RBMS3: variants seen among roughly 807,000 people sequenced by gnomAD.
RBMS3 encodes the protein RNA-binding motif, single-stranded-interacting protein 3.
A neutral mutation model predicts 66.8 loss-of-function variants in RBMS3; 27 were observed. The observed-to-expected ratio is 0.40, with a 90% CI of 0.30 to 0.56. The LOEUF (loss-of-function observed/expected upper bound fraction) is 0.56. Ranked by LOEUF, RBMS3 falls within the 20% of genes least tolerant of loss-of-function variation. The probability of loss-of-function intolerance (pLI) is 0.40; values close to 1 mark genes in which losing one functional copy is unlikely to be tolerated. For synonymous variants in RBMS3, 188 were observed against 183.0 expected (o/e 1.03, Z -0.22); for missense variants, 513 against 549.5 (o/e 0.93, Z 0.66).
At chr3:29,368,541 A>G (rs550470408) in intron 1 of RBMS3, among the ~76,000 whole-genome samples, 24 of 151,792 alleles carry the variant, frequency 1.6e-4, no homozygotes, top group Admixed American at 1.6e-3. Flanking sequence ...ACTACTGAAA[A>G]ATGAGAGTTC....
In RBMS3 at chr3:29,928,211, T is replaced by TACACAC. The variant is rs1175604100; in HGVS notation, c.940-7855_940-7850dup. 4.0e-3 allele frequency among the ~76,000 whole-genome samples: 376 copies of TACACAC among 93,454 alleles called. 1 individual carries two copies. Among genetic ancestry groups the TACACAC allele is most frequent in the Middle Eastern group, 6.0e-3 (1 of 166 alleles). 61.3% of individuals were successfully genotyped at this position (93,454 alleles called of 152,430 possible). On this transcript the variant is annotated intron_variant, in intron 10 of 14. Transcript: ENST00000383767. ...ATATATATATATATATATATATATA[T>TACACAC]ACACACACACACACACACACACACA...
intron 3 of RBMS3, among the ~76,000 whole-genome samples, chr3:29,583,276 G>A (rs984703375): frequency 6.6e-5 from 10 of 152,068 alleles, no homozygotes; most frequent in East Asian, 1.9e-4. Context: ...GTGGAAAGGA[G>A]GAGAAGAAGC....
At chr3:29,822,969 T>G (rs1373316322) in intron 6 of RBMS3, among the ~76,000 whole-genome samples, 2 of 152,156 alleles carry the variant, frequency 1.3e-5, no homozygotes, top group Non-Finnish European at 2.9e-5. Flanking sequence ...CTTGGAGGAT[T>G]TCATTGTAAT....
At position 29,969,443 on chromosome 3, in the gene RBMS3, T is replaced by G. The variant is rs554665118; in HGVS notation, c.1099-18700T>G. ...AGCTGCCTCAAATGATATCACTACA[T>G]GTTTTTTTCTTTATATTCATTTGCA... On this transcript the variant is annotated intron_variant, in intron 12 of 14. Coordinates refer to ENST00000383767, the MANE Select transcript of RBMS3 (RefSeq NM_001003793.3). Among the ~76,000 whole-genome samples the G allele has an allele frequency of 3.9e-5, 6 of 152,344 alleles. No homozygotes were observed. In the East Asian group the frequency reaches 1.2e-3, roughly 29 times the overall value.
At chr3:29,541,596 T>C (rs1311808578) in intron 3 of RBMS3, among the ~76,000 whole-genome samples, 1 of 152,172 alleles carries the variant, frequency 6.6e-6, no homozygotes, top group East Asian at 1.9e-4. Context: ...AGATGCCTCC[T>C]AAATTGGTGT....
intron 1 of RBMS3, among the ~76,000 whole-genome samples, chr3:29,434,022 G>A (rs2041306386): frequency 6.6e-6 from 1 of 152,104 alleles, no homozygotes; most frequent in African/African-American, 2.4e-5. Flanking sequence ...AGTGAACAAG[G>A]ACAGTGCCCA....
intron 1 of RBMS3, among the ~76,000 whole-genome samples, chr3:29,420,696 C>G (rs1332603118): frequency 2.0e-5 from 3 of 151,910 alleles, no homozygotes; most frequent in Non-Finnish European, 2.9e-5. Context: ...TTTTGATTCC[C>G]CACTTCTTGC....
At chr3:29,677,419 T>A (rs2051302944) in intron 4 of RBMS3, among the ~76,000 whole-genome samples, 1 of 152,196 alleles carries the variant, frequency 6.6e-6, no homozygotes, top group African/African-American at 2.4e-5. Flanking sequence ...GCAACAAAAT[T>A]TTTCTAAAGT....
chr3:29,537,822 C>CAA (rs1195812359), intron 3 of RBMS3, among the ~76,000 whole-genome samples: 3,616 of 70,692 alleles, frequency 0.051, 80 homozygotes, highest in East Asian at 0.14. Flanking sequence ...GACTCCACCT[C>CAA]AAAAAAAAAA....
At chr3:29,762,838 G>T in intron 5 of RBMS3, 72 bp from the exon 6 acceptor site, 2 of 1,068,704 alleles carry the variant, frequency 1.9e-6, no homozygotes, top group Non-Finnish European at 2.8e-6. Context: ...TGGCTTTCTT[G>T]TTTTCCTTTA....
At chr3:29,393,247 T>C (rs1377971280) in intron 1 of RBMS3, among the ~76,000 whole-genome samples, 2 of 152,198 alleles carry the variant, frequency 1.3e-5, no homozygotes, top group Non-Finnish European at 1.5e-5. Context: ...GTTTAAAAAA[T>C]GCATGGGACT....
At chr3:29,363,640 A>G (rs558923762) in intron 1 of RBMS3, among the ~76,000 whole-genome samples, 1 of 152,062 alleles carries the variant, frequency 6.6e-6, no homozygotes, top group Non-Finnish European at 1.5e-5. Context: ...AACATAAAAA[A>G]TTAGCCGAGT....
chr3:29,880,928 T>C, intron 7 of RBMS3: 1 of 1,178,438 alleles, frequency 8.5e-7, no homozygotes, highest in South Asian at 1.3e-5. Flanking sequence ...TTCCTCTGGA[T>C]TTACCCTCTG....
chr3:29,674,358 C>A (rs900441222), intron 4 of RBMS3, among the ~76,000 whole-genome samples: 3 of 152,102 alleles, frequency 2.0e-5, no homozygotes, highest in African/African-American at 7.2e-5. Context: ...CAGGGATGCC[C>A]TCTCTCACCA....
chr3:29,315,766 T>A (rs1464377455), intron 1 of RBMS3, among the ~76,000 whole-genome samples: 1 of 151,694 alleles, frequency 6.6e-6, no homozygotes, highest in Non-Finnish European at 1.5e-5. Context: ...TAGGGGCATG[T>A]CCATGAATCA....
At chr3:29,952,303 G>A (rs1695734228) in intron 12 of RBMS3, among the ~76,000 whole-genome samples, 1 of 151,836 alleles carries the variant, frequency 6.6e-6, no homozygotes, top group Admixed American at 6.6e-5. Context: ...TAAATTTTAT[G>A]TAAATCCATT....
intron 12 of RBMS3, among the ~76,000 whole-genome samples, chr3:29,969,021 T>TA (rs1427281206): frequency 2.6e-5 from 4 of 152,210 alleles, no homozygotes; most frequent in African/African-American, 9.6e-5. Context: ...TAGAGTCTCT[T>TA]AATCATGAAA....
intron 4 of RBMS3, among the ~76,000 whole-genome samples, chr3:29,589,719 G>T (rs957638048): frequency 1.1e-4 from 16 of 152,064 alleles, no homozygotes; most frequent in African/African-American, 3.9e-4. Flanking sequence ...CCTGCAGTCT[G>T]CTGGGTGTGT....
intron 4 of RBMS3, among the ~76,000 whole-genome samples, chr3:29,664,685 AAAAAAAGTACT>A (rs1436625213): frequency 1.5e-4 from 23 of 151,868 alleles, no homozygotes; most frequent in African/African-American, 5.6e-4. Context: ...TGATTAAAAA[AAAAAAAGTACT>A]TTATTTTTTT....
Sources: allele counts gnomAD v4.1 joint callset (sites outside exome capture counted in the v4.1 genomes callset), GRCh38; gene constraint gnomAD v4.1.1; transcripts MANE v1.5; gene names NCBI Gene and HGNC (gene_info 2026-07-23, HGNC 2026-07-21).